Variants in KLK6 observed in about 807,000 individuals in gnomAD.
KLK6 encodes the protein kallikrein-6.
A neutral mutation model predicts 21.7 loss-of-function variants in KLK6; 16 were observed. The observed-to-expected ratio is 0.74, with a 90% confidence interval of 0.50 to 1.12. KLK6 has a LOEUF of 1.12. Ranked by LOEUF, KLK6 falls within the 50% of genes most tolerant of loss-of-function variation. The probability of loss-of-function intolerance (pLI) is 0.00; values close to 1 mark genes in which losing one functional copy is unlikely to be tolerated. For synonymous variants in KLK6, 116 were observed against 120.1 expected, an observed-to-expected ratio of 0.97 and a Z score of 0.22; for missense variants, 276 against 304.6, an observed-to-expected ratio of 0.91 and a Z score of 0.70.
At position 50,959,069 on chromosome 19, in the gene KLK6, G is replaced by A; in HGVS notation, c.*95C>T. 2 of 1,346,420 alleles carry A rather than the reference G, an allele frequency of 1.5e-6. No homozygotes were observed. Among genetic ancestry groups the A allele is most frequent in the Non-Finnish European group, 2.1e-6 (2 of 946,282 alleles). 83.4% of individuals were successfully genotyped at this position (1,346,420 alleles called of 1,614,324 possible). A position where few individuals can be genotyped will look rare whatever the true frequency, so the allele number is the denominator to read the frequency against. On this transcript the variant is annotated 3_prime_UTR_variant, in exon 7 of 7. Transcript: ENST00000310157. ...TTTATTAAGCATCAGGGTCAGAGCT[G>A]GGCAGGAGAGGAGGGGAGGCAAGGT...
At position 50,961,809 on chromosome 19, in the gene KLK6, G is replaced by A. The variant is rs761134835; in HGVS notation, c.517C>T (p.Pro173Ser). 79 of 1,613,862 alleles carry A rather than the reference G, an allele frequency of 4.9e-5. No homozygotes were observed. Among genetic ancestry groups the A allele is most frequent in the Non-Finnish European group, 6.5e-5 (77 of 1,179,956 alleles). The change falls in exon 6 of 7, where the codon CCT becomes TCT. Residue 173 changes from proline (P) to serine (S), a missense_variant. By Grantham distance (74) the Pro-to-Ser change is moderately conservative. Coordinates refer to ENST00000310157, the MANE Select transcript of KLK6 (RefSeq NM_002774.4). ...VSREECEHAY[P>S]GQITQNMLCA... ...AACATGTTCTGGGTGATCTGGCCAG[G>A]GTAGGCATGCTCACACTCCTCACGG... is the stretch of plus-strand genomic sequence containing the variant.
In KLK6 at chr19:50,968,130, A is replaced by G. The variant is rs902245946; in HGVS notation, c.-8-18T>C. The G allele has an allele frequency of 2.5e-6, 4 of 1,612,010 alleles. No homozygotes were observed. Among genetic ancestry groups the G allele is most frequent in the African/African-American group, 1.3e-5 (1 of 74,770 alleles). On this transcript the variant is annotated intron_variant, in intron 2 of 6. Coordinates refer to ENST00000310157, the MANE Select transcript of KLK6 (RefSeq NM_002774.4). ...GGCCGCTCCTGAGAGGGGAAGCCAC[A>G]TGGTCCATTAGTCACTGCCTCGACC...
rs748347779 is a variant in KLK6 at position 50,967,338 on chromosome 19, A to G, written c.41-13T>C. The G allele has an allele frequency of 6.3e-7, 1 of 1,587,212 alleles. No individual in the cohort carries two copies. Among genetic ancestry groups the G allele is most frequent in the African/African-American group, 1.3e-5 (1 of 74,300 alleles). Reference sequence around the variant, plus strand: ...TCCTCTGCCCAGGCTGAGGGAGAGAAGATCTGAGTCAGAGAGGAGTTCTGG... The same window carrying G: ...TCCTCTGCCCAGGCTGAGGGAGAGAGGATCTGAGTCAGAGAGGAGTTCTGG... On this transcript the variant is annotated splice_polypyrimidine_tract_variant and intron_variant, in intron 3 of 6. Coordinates refer to ENST00000310157, the MANE Select transcript of KLK6 (RefSeq NM_002774.4).
intron 4 of KLK6, 124 bp from the exon 5 acceptor site, chr19:50,963,673 G>T (rs985667143): frequency 2.8e-6 from 3 of 1,076,232 alleles, no homozygotes; most frequent in African/African-American, 3.2e-5. Context: ...CTGGGTAAAT[G>T]GCAATTCCAT....
intron 4 of KLK6, 131 bp from the exon 5 acceptor site, chr19:50,963,680 C>T: frequency 1.0e-6 from 1 of 995,160 alleles, no homozygotes; most frequent in South Asian, 1.6e-5. Context: ...AATGGCAATT[C>T]CATCCTTTCA....
rs536606335 is a variant in KLK6, at chr19:50,963,733, C to T, written c.198-184G>A. The T allele has an allele frequency of 1.5e-3, 969 of 658,620 alleles. 6 individuals carry two copies. The highest frequency in any genetic ancestry group is 6.7e-3 in the South Asian group (341 of 51,162). The allele number at this position is 658,620 out of a possible 1,614,324, so 40.8% of individuals were successfully genotyped here. On this transcript the variant is annotated intron_variant, in intron 4 of 6. Coordinates refer to ENST00000310157, the MANE Select transcript of KLK6 (RefSeq NM_002774.4). Reference sequence around the variant, plus strand: ...ATTCTTCACTCTCTTTATTTCATGCCCTACATCCAAGCTGTCCAGAATTCC... The same window carrying T: ...ATTCTTCACTCTCTTTATTTCATGCTCTACATCCAAGCTGTCCAGAATTCC...
chr19:50,968,425 C>A, intron 2 of KLK6, 116 bp downstream of exon 2: 1 of 434,080 alleles, frequency 2.3e-6, no homozygotes, highest in Non-Finnish European at 4.3e-6. Flanking sequence ...AGAGGGTTAC[C>A]CTAGGGGGCC....
At chr19:50,965,191 C>T (rs962762235) in intron 4 of KLK6, among the ~76,000 whole-genome samples, 13 of 152,060 alleles carry the variant, frequency 8.5e-5, no homozygotes, top group African/African-American at 3.1e-4. Flanking sequence ...CAGCTTTGTA[C>T]TCCTGGGCTC....
At chr19:50,960,320 G>A (rs1410315987) in intron 6 of KLK6, among the ~76,000 whole-genome samples, 2 of 151,954 alleles carry the variant, frequency 1.3e-5, no homozygotes, top group African/African-American at 4.8e-5. Context: ...CCCTGTCTCT[G>A]TCCCTGTTTC....
intron 6 of KLK6, among the ~76,000 whole-genome samples, chr19:50,960,372 G>T (rs956007972): frequency 6.6e-6 from 1 of 151,990 alleles, no homozygotes; most frequent in African/African-American, 2.4e-5. Context: ...CCCTTGGTTG[G>T]TCTCTGCACA....
chr19:50,968,366 T>A (rs1196113558), intron 2 of KLK6, 175 bp downstream of exon 2: 1 of 568,622 alleles, frequency 1.8e-6, no homozygotes, highest in Admixed American at 3.0e-5. Flanking sequence ...GAGATTCTGA[T>A]TAGATCTTTC....
In KLK6 at chr19:50,959,274, C is replaced by G. The variant is rs916014824; in HGVS notation, c.625G>C (p.Gly209Arg). Reference protein sequence around the residue: ...GPLVCGDHLRGLVSWGNIPCG... With the variant: ...GPLVCGDHLRRLVSWGNIPCG... Reference sequence around the variant, plus strand: ...GGGATGTTACCCCATGACACAAGGCCTCGGAGGTGGTCTCCACATACCAGC... The same window carrying G: ...GGGATGTTACCCCATGACACAAGGCGTCGGAGGTGGTCTCCACATACCAGC... Residue 209 changes from glycine to arginine, a missense_variant, in exon 7 of 7, where the codon GGC becomes CGC. Coordinates refer to ENST00000310157, the MANE Select transcript of KLK6 (RefSeq NM_002774.4). 1 of 1,613,818 alleles carries G rather than the reference C, an allele frequency of 6.2e-7. No homozygotes were observed. The highest frequency in any genetic ancestry group is 8.5e-7 in the Non-Finnish European group (1 of 1,179,992).
intron 3 of KLK6, among the ~76,000 whole-genome samples, 186 bp from the exon 4 acceptor site, chr19:50,967,511 C>CCACACACACA (rs146062864): frequency 0.091 from 11,398 of 125,436 alleles, 1,003 homozygotes; most frequent in African/African-American, 0.22. Context: ...GACCTCATCT[C>CCACACACACA]CACACACACA....
chr19:50,962,001 C>A lies in KLK6; in HGVS notation c.446-121G>T, dbSNP rs984860421. On this transcript the variant is annotated intron_variant, in intron 5 of 6. Transcript: ENST00000310157. Reference sequence around the variant, plus strand: ...ATTGGTCCCTCTTTTCTATTGGCACCCCTCTTCCTGTTTGTCTCTCATTCT... The same window carrying A: ...ATTGGTCCCTCTTTTCTATTGGCACACCTCTTCCTGTTTGTCTCTCATTCT... 2.8e-6 allele frequency: 3 copies of A among 1,059,742 alleles called. No homozygotes were observed. The African/African-American group carries it at 4.9e-5, about 17-fold the overall frequency. The allele number at this position is 1,059,742 out of a possible 1,614,324, so 65.6% of individuals were successfully genotyped here. A position where few individuals can be genotyped will look rare whatever the true frequency, so the allele number is the denominator to read the frequency against.
At chr19:50,966,416 G>A (rs146773137) in intron 4 of KLK6, among the ~76,000 whole-genome samples, 318 of 152,210 alleles carry the variant, frequency 2.1e-3, no homozygotes, top group South Asian at 4.8e-3. Flanking sequence ...CTCCTATGTC[G>A]CCGGATGAAA....
Position 50,958,926 on chromosome 19 carries a change from C to G in KLK6, c.*238G>C. 2 of 542,812 alleles carry G rather than the reference C, an allele frequency of 3.7e-6. No homozygotes were observed. The highest frequency in any genetic ancestry group is 4.8e-5 in the South Asian group (2 of 41,800). 33.6% of individuals were successfully genotyped at this position (542,812 alleles called of 1,614,324 possible). ...TGCCTAGAAGGGATTTTCCTGTATT[C>G]TCTTAGTGGTGGGGGTAAGACCGAG... On this transcript the variant is annotated 3_prime_UTR_variant, in exon 7 of 7. Coordinates refer to ENST00000310157, the MANE Select transcript of KLK6 (RefSeq NM_002774.4).
chr19:50,966,272 G>A (rs1300075983), intron 4 of KLK6, among the ~76,000 whole-genome samples: 4 of 152,108 alleles, frequency 2.6e-5, no homozygotes, highest in South Asian at 2.1e-4. Flanking sequence ...ACAAATACAC[G>A]GAAGCCAGCC....
At chr19:50,966,598 C>T (rs1190014234) in intron 4 of KLK6, among the ~76,000 whole-genome samples, 1 of 152,188 alleles carries the variant, frequency 6.6e-6, no homozygotes, top group South Asian at 2.1e-4. Flanking sequence ...GTCAGGAGTT[C>T]GAGACCAGCC....
chr19:50,966,916 A>C (rs2122162077), intron 4 of KLK6, among the ~76,000 whole-genome samples: 1 of 152,326 alleles, frequency 6.6e-6, no homozygotes, highest in East Asian at 1.9e-4. Flanking sequence ...TTCCCCCATT[A>C]GAAAGTAAGT....
Sources: gnomAD v4.1 joint callset for allele counts (sites outside exome capture counted in the v4.1 genomes callset) on GRCh38, gnomAD v4.1.1 for gene constraint, MANE v1.5 for transcripts, NCBI Gene and HGNC (gene_info 2026-07-23, HGNC 2026-07-21) for gene names.